The following MPDZ variants were observed in gnomAD, a reference collection of about 807,000 sequenced individuals.
The protein encoded by MPDZ is multiple PDZ domain crumbs cell polarity complex component.
A neutral mutation model predicts 239.1 loss-of-function variants in MPDZ; 234 were observed. The ratio of observed to expected loss-of-function variants is 0.98; its 90% CI spans 0.88 to 1.09. MPDZ has a LOEUF of 1.09. Ranked by LOEUF, MPDZ falls within the 50% of genes least tolerant of loss-of-function variation. The pLI is 0.00. For missense variants in MPDZ, 3,175 were observed against 2,510.0 expected, an observed-to-expected ratio of 1.26 and a Z score of -5.66; for synonymous variants, 1,048 against 881.3, an observed-to-expected ratio of 1.19 and a Z score of -3.35.
chr9:13,268,072 T>C (rs1972148849), intron 1 of MPDZ, among the ~76,000 whole-genome samples: 1 of 152,030 alleles, frequency 6.6e-6, no homozygotes, highest in South Asian at 2.1e-4. Context: ...CATTAGACAT[T>C]TATTATTAGC....
Position 13,136,722 on chromosome 9 carries a change from T to C in MPDZ, c.4282A>G (p.Ile1428Val). Reference protein sequence around the residue: ...IKCAPSKVKIIFIRNKDAVNQ... With the variant: ...IKCAPSKVKIVFIRNKDAVNQ... Reference sequence around the variant, plus strand: ...AAAGAAAATGATCACCTGATAAAAATTATTTTCACTTTAGAAGGGGCACAT... The same window carrying C: ...AAAGAAAATGATCACCTGATAAAAACTATTTTCACTTTAGAAGGGGCACAT... The change falls in exon 30 of 47, where the codon ATT becomes GTT. Residue 1428 changes from isoleucine to valine, a missense_variant. Ile to Val is a conservative substitution (Grantham distance 29, BLOSUM62 3). Transcript: ENST00000319217. The C allele has an allele frequency of 1.3e-6, 2 of 1,583,154 alleles. No individual in the cohort carries two copies. The highest frequency in any genetic ancestry group is 1.7e-6 in the Non-Finnish European group (2 of 1,159,434).
At chr9:13,136,887 A>AT (rs1310362461) in intron 29 of MPDZ, 84 bp from the exon 30 acceptor site, 22 of 684,104 alleles carry the variant, frequency 3.2e-5, no homozygotes, top group Middle Eastern at 3.6e-4. Context: ...TGAAAAGCAC[A>AT]TTTTTTCTTC....
intron 19 of MPDZ, among the ~76,000 whole-genome samples, chr9:13,183,172 A>T (rs968038426): frequency 6.6e-6 from 1 of 152,062 alleles, no homozygotes; most frequent in Non-Finnish European, 1.5e-5. Context: ...TGCAAACCCT[A>T]ATCAAAGCTT....
rs957252315 is a variant in MPDZ, at chr9:13,105,734, A to T, written c.*1231T>A. On this transcript the variant is annotated 3_prime_UTR_variant, in exon 47 of 47. Coordinates refer to ENST00000319217, the MANE Select transcript of MPDZ (RefSeq NM_001378778.1). Reference sequence around the variant, plus strand: ...TGTGCACCACTGAAAATTCTTATTTATTCACTTTAATTCTGCATTTACACA... The same window carrying T: ...TGTGCACCACTGAAAATTCTTATTTTTTCACTTTAATTCTGCATTTACACA... 6.6e-6 allele frequency: 1 copy of T among 152,214 alleles called. No homozygotes were observed. The highest frequency in any genetic ancestry group is 1.5e-5 in the Non-Finnish European group (1 of 68,018). The allele number at this position is 152,214 out of a possible 1,614,324, so 9.4% of individuals were successfully genotyped here. A position where few individuals can be genotyped will look rare whatever the true frequency, so the allele number is the denominator to read the frequency against.
At chr9:13,237,142 T>A (rs145086882) in intron 3 of MPDZ, among the ~76,000 whole-genome samples, 1 of 151,946 alleles carries the variant, frequency 6.6e-6, no homozygotes, top group Admixed American at 6.6e-5. Flanking sequence ...TCATATTCCA[T>A]GCTTCAAAAT....
intron 40 of MPDZ, among the ~76,000 whole-genome samples, 155 bp downstream of exon 40, chr9:13,115,093 A>T (rs1366861883): frequency 6.6e-6 from 1 of 152,094 alleles, no homozygotes; most frequent in Non-Finnish European, 1.5e-5. Context: ...GGCTATTCTG[A>T]TTCCTTGTTC....
At chr9:13,141,788 C>A (rs7871112) in intron 27 of MPDZ, among the ~76,000 whole-genome samples, 67,550 of 151,540 alleles carry the variant, frequency 0.45, 17,369 homozygotes, top group African/African-American at 0.72. Flanking sequence ...CAAAGCAAAT[C>A]GCTGACTGAT....
At position 13,176,156 on chromosome 9, in the gene MPDZ, G is replaced by A; in HGVS notation, c.2911C>T (p.Leu971=). Residue 971 remains leucine (L), a synonymous_variant, in exon 20 of 47, where the codon CTA becomes TTA. Transcript: ENST00000319217. ...ATTACCTTTCCAGCTGAATCGGGTA[G>A]CACAGAAGGAAGTTCTGCACTTGAT... ...VISSAELPSV[L]PDSAGKGSEY... 6.2e-7 allele frequency: 1 copy of A among 1,600,246 alleles called. No individual in the cohort carries two copies. The highest frequency in any genetic ancestry group is 8.5e-7 in the Non-Finnish European group (1 of 1,172,330).
chr9:13,142,685 C>G (rs1947886259), intron 27 of MPDZ, among the ~76,000 whole-genome samples: 2 of 152,082 alleles, frequency 1.3e-5, no homozygotes, highest in African/African-American at 4.8e-5. Flanking sequence ...GATAATTCTA[C>G]TTGAATTCAG....
chr9:13,276,190 T>C (rs1974143157), intron 1 of MPDZ, among the ~76,000 whole-genome samples: 1 of 152,208 alleles, frequency 6.6e-6, no homozygotes, highest in South Asian at 2.1e-4. Context: ...TCCTAATCCA[T>C]CTATTACTAC....
At chr9:13,250,180 A>C in intron 2 of MPDZ, 120 bp downstream of exon 2, 1 of 894,056 alleles carries the variant, frequency 1.1e-6, no homozygotes, top group Non-Finnish European at 1.7e-6. Context: ...GTAGGTAAAA[A>C]CTTTTTAAAT....
At chr9:13,126,360 T>C (rs1161550065) in intron 34 of MPDZ, among the ~76,000 whole-genome samples, 156 bp downstream of exon 34, 1 of 152,166 alleles carries the variant, frequency 6.6e-6, no homozygotes, top group Non-Finnish European at 1.5e-5. Flanking sequence ...AAATAAGAAA[T>C]AGAAATTGAA....
At chr9:13,271,732 G>A (rs1422391457) in intron 1 of MPDZ, among the ~76,000 whole-genome samples, 1 of 152,194 alleles carries the variant, frequency 6.6e-6, no homozygotes, top group African/African-American at 2.4e-5. Context: ...CGCACCATAA[G>A]ACAACGGAAG....
chr9:13,204,292 A>C (rs903359324), intron 12 of MPDZ, among the ~76,000 whole-genome samples: 1 of 152,166 alleles, frequency 6.6e-6, no homozygotes. Flanking sequence ...ACTATGTATT[A>C]AAATAATGCT....
Position 13,126,752 on chromosome 9 carries a change from A to G in MPDZ, c.4485T>C (p.Ile1495=). ...ELPKDQGGLG[I]AISEEDTLSG... Reference sequence around the variant, plus strand: ...TGAGTGTATCTTCTTCGCTGATAGCAATACCCAAACCCCCCTGATCCTAGA... The same window carrying G: ...TGAGTGTATCTTCTTCGCTGATAGCGATACCCAAACCCCCCTGATCCTAGA... Residue 1495 remains isoleucine, a synonymous_variant, in exon 33 of 47, where the codon ATT becomes ATC. Transcript: ENST00000319217. The G allele has an allele frequency of 6.2e-7, 1 of 1,613,902 alleles. No homozygotes were observed. Among genetic ancestry groups the G allele is most frequent in the Non-Finnish European group, 8.5e-7 (1 of 1,179,816 alleles).
chr9:13,278,793 G>A (rs889879610), intron 1 of MPDZ, among the ~76,000 whole-genome samples: 14 of 152,058 alleles, frequency 9.2e-5, no homozygotes, highest in African/African-American at 1.4e-4. Context: ...CCGCGGCTAA[G>A]GCGAGAACGC....
chr9:13,239,871 G>A (rs1964963091), intron 3 of MPDZ, among the ~76,000 whole-genome samples: 1 of 152,128 alleles, frequency 6.6e-6, no homozygotes, highest in South Asian at 2.1e-4. Flanking sequence ...GTCTAGGCAT[G>A]TGTGTTTATG....
chr9:13,206,932 GC>G (rs940002177), intron 10 of MPDZ, among the ~76,000 whole-genome samples: 1 of 152,014 alleles, frequency 6.6e-6, no homozygotes, highest in African/African-American at 2.4e-5. Context: ...TCCCACCTCA[GC>G]CTTCCAAAAT....
chr9:13,143,498 ATG>A lies in MPDZ; in HGVS notation c.3806_3807del (p.Pro1269LeufsTer3). ...YPKYNFSSTN[P>X]FADSLQINAD... is the part of the protein sequence containing the mutation. Reference sequence around the variant, plus strand: ...GCGTTGATTTGTAGAGAGTCAGCAAATGGGTTAGTGCTGCTGAAGTTGTACTT... The same window carrying A: ...GCGTTGATTTGTAGAGAGTCAGCAAAGGTTAGTGCTGCTGAAGTTGTACTT... On this transcript the variant is annotated frameshift_variant, in exon 27 of 47. Transcript: ENST00000319217. LOFTEE classifies it high-confidence loss of function. 1 of 1,612,858 alleles carries A rather than the reference ATG, an allele frequency of 6.2e-7. No homozygotes were observed. Among genetic ancestry groups the A allele is most frequent in the South Asian group, 1.1e-5 (1 of 91,056 alleles).
Sources: allele counts gnomAD v4.1 joint callset (sites outside exome capture counted in the v4.1 genomes callset), GRCh38; gene constraint gnomAD v4.1.1; transcripts MANE v1.5; gene names NCBI Gene and HGNC (gene_info 2026-07-23, HGNC 2026-07-21).